The following CCDC112 variants were observed in gnomAD, a reference collection of about 807,000 sequenced individuals.
The protein encoded by CCDC112 is coiled-coil domain containing 112.
Under a neutral mutation model 66.3 loss-of-function variants are expected in CCDC112, and 40 were observed. The observed-to-expected ratio is 0.60, with a 90% CI of 0.47 to 0.79. The LOEUF (loss-of-function observed/expected upper bound fraction) is 0.79. Ranked by LOEUF, CCDC112 falls within the 30% of genes least tolerant of loss-of-function variation. The pLI is 0.00. For missense variants in CCDC112, 659 were observed against 603.8 expected (o/e 1.09, Z -0.96); for synonymous variants, 214 against 197.2 (o/e 1.09, Z -0.71).
intron 3 of CCDC112, 156 bp from the exon 4 acceptor site, chr5:115,277,210 C>A (rs934018886): frequency 1.9e-6 from 1 of 524,810 alleles, no homozygotes; most frequent in South Asian, 2.4e-5. Context: ...ACTTTAAGTA[C>A]CTTTGTTCTA....
intron 1 of CCDC112, chr5:115,295,889 A>T (rs1011650395): frequency 1.0e-6 from 1 of 985,422 alleles, no homozygotes; most frequent in Non-Finnish European, 1.2e-6. Flanking sequence ...CGCTGAGCTG[A>T]TAACATCTGA....
intron 6 of CCDC112, among the ~76,000 whole-genome samples, chr5:115,274,276 G>C (rs889472383): frequency 6.6e-6 from 1 of 152,096 alleles, no homozygotes; most frequent in African/African-American, 2.4e-5. Flanking sequence ...GCACAGAACA[G>C]GCCCCCACAA....
intron 1 of CCDC112, 33 bp from the exon 2 acceptor site, chr5:115,284,941 T>C (rs768128219): frequency 8.2e-6 from 13 of 1,579,244 alleles, no homozygotes; most frequent in African/African-American, 1.3e-5. Context: ...TTAACAGTAA[T>C]GAAAATAGTA....
chr5:115,268,836 C>G, intron 9 of CCDC112, 46 bp downstream of exon 9: 1 of 1,006,948 alleles, frequency 9.9e-7, no homozygotes, highest in Non-Finnish European at 1.5e-6. Flanking sequence ...TATAAACATG[C>G]AGCAATTAAA....
At position 115,296,597 on chromosome 5, in the gene CCDC112, T is replaced by C. The variant is rs1222036160; in HGVS notation, c.-54A>G. Reference sequence around the variant, plus strand: ...GCGGCCACCGGTGCCTGGGGATTCGTGGCAGGCGCACCCTGGCCTCTGCAG... The same window carrying C: ...GCGGCCACCGGTGCCTGGGGATTCGCGGCAGGCGCACCCTGGCCTCTGCAG... On this transcript the variant is annotated 5_prime_UTR_variant, in exon 1 of 10. Transcript: ENST00000379611. 4 of 1,408,318 alleles carry C rather than the reference T, an allele frequency of 2.8e-6. No individual in the cohort carries two copies. The highest frequency in any genetic ancestry group is 2.9e-5 in the East Asian group (1 of 33,984). 87.2% of individuals were successfully genotyped at this position (1,408,318 alleles called of 1,614,324 possible).
At chr5:115,290,547 A>G (rs962695084) in intron 1 of CCDC112, among the ~76,000 whole-genome samples, 1 of 152,216 alleles carries the variant, frequency 6.6e-6, no homozygotes, top group African/African-American at 2.4e-5. Context: ...CTTTACAGAG[A>G]TTGCACTGAA....
intron 1 of CCDC112, among the ~76,000 whole-genome samples, chr5:115,295,154 G>A (rs1182466181): frequency 1.3e-5 from 2 of 152,112 alleles, no homozygotes; most frequent in Non-Finnish European, 2.9e-5. Context: ...TCCTCTAGGG[G>A]ATTGATAAAA....
chr5:115,295,608 T>C (rs1344983133), intron 1 of CCDC112, among the ~76,000 whole-genome samples: 2 of 152,130 alleles, frequency 1.3e-5, no homozygotes, highest in African/African-American at 4.8e-5. Flanking sequence ...AGTAAGTGCA[T>C]ACTACGTTCC....
At chr5:115,285,930 G>C (rs146507524) in intron 1 of CCDC112, among the ~76,000 whole-genome samples, 2 of 152,218 alleles carry the variant, frequency 1.3e-5, no homozygotes, top group South Asian at 2.1e-4. Flanking sequence ...AGGGATTGCT[G>C]AGCAATAAAA....
intron 3 of CCDC112, among the ~76,000 whole-genome samples, chr5:115,277,632 C>T (rs1034942307): frequency 6.6e-6 from 1 of 152,090 alleles, no homozygotes; most frequent in Non-Finnish European, 1.5e-5. Context: ...CACAGGTCGC[C>T]AAGCTCAATC....
intron 3 of CCDC112, among the ~76,000 whole-genome samples, chr5:115,278,371 T>A (rs1289209855): frequency 6.6e-6 from 1 of 152,026 alleles, no homozygotes; most frequent in Non-Finnish European, 1.5e-5. Flanking sequence ...TCAGCTGTAA[T>A]ATATGAAGGG....
chr5:115,269,034 A>G, intron 8 of CCDC112, 34 bp from the exon 9 acceptor site: 9 of 1,263,486 alleles, frequency 7.1e-6, no homozygotes, highest in Non-Finnish European at 1.0e-5. Flanking sequence ...CCAGTTAATT[A>G]TACAAACTCA....
At chr5:115,296,154 T>C in intron 1 of CCDC112, 1 of 1,182,802 alleles carries the variant, frequency 8.5e-7, no homozygotes, top group Non-Finnish European at 1.1e-6. Flanking sequence ...AGAAAGTGAG[T>C]CGCCGACAGC....
intron 1 of CCDC112, 170 bp downstream of exon 1, chr5:115,296,257 A>T: frequency 7.7e-7 from 1 of 1,296,104 alleles, no homozygotes; most frequent in Non-Finnish European, 9.8e-7. Context: ...GGCTCTGCAA[A>T]AGCTGTTAAA....
chr5:115,285,347 T>A (rs1749631724), intron 1 of CCDC112, among the ~76,000 whole-genome samples: 1 of 152,062 alleles, frequency 6.6e-6, no homozygotes, highest in African/African-American at 2.4e-5. Context: ...CTGCAATAAA[T>A]GCTATTAAGA....
At chr5:115,276,424 T>C (rs1156670616) in intron 4 of CCDC112, among the ~76,000 whole-genome samples, 1 of 152,168 alleles carries the variant, frequency 6.6e-6, no homozygotes, top group Non-Finnish European at 1.5e-5. Context: ...ATTTGTTGCT[T>C]TGATTCTCAG....
In CCDC112 at chr5:115,296,551, C is replaced by A; in HGVS notation, c.-8G>T. ...CGTCGTCAGTGCGGCCATGTTTACC[C>A]GCCGAGCTACTCGGGCCGCGGCGGC... is the stretch of plus-strand genomic sequence containing the variant. On this transcript the variant is annotated 5_prime_UTR_variant, in exon 1 of 10. Transcript: ENST00000379611. 6.7e-7 allele frequency: 1 copy of A among 1,482,148 alleles called. No homozygotes were observed. The highest frequency in any genetic ancestry group is 1.3e-5 in the South Asian group (1 of 75,314). The allele number at this position is 1,482,148 out of a possible 1,614,324, so 91.8% of individuals were successfully genotyped here.
At position 115,287,254 on chromosome 5, in the gene CCDC112, T is replaced by A. The variant is rs546571438; in HGVS notation, c.118-2346A>T. 2.0e-5 allele frequency among the ~76,000 whole-genome samples: 3 copies of A among 152,318 alleles called. No homozygotes were observed. The East Asian group carries it at 5.8e-4, about 29-fold the overall frequency. Reference sequence around the variant, plus strand: ...GTATGAAGTGATTTCTCACAGTGGTTCTGATTAGTCCATAATGACTAATGA... The same window carrying A: ...GTATGAAGTGATTTCTCACAGTGGTACTGATTAGTCCATAATGACTAATGA... On this transcript the variant is annotated intron_variant, in intron 1 of 9. Coordinates refer to ENST00000379611, the MANE Select transcript of CCDC112 (RefSeq NM_001040440.3).
At chr5:115,279,540 C>T in intron 3 of CCDC112, 107 bp downstream of exon 3, 1 of 1,141,176 alleles carries the variant, frequency 8.8e-7, no homozygotes, top group Non-Finnish European at 1.3e-6. Flanking sequence ...AGAACTGACT[C>T]TATTGATAGA....
Sources: allele counts gnomAD v4.1 joint callset (sites outside exome capture counted in the v4.1 genomes callset), GRCh38; gene constraint gnomAD v4.1.1; transcripts MANE v1.5; gene names NCBI Gene and HGNC (gene_info 2026-07-23, HGNC 2026-07-21).